RIMS2: variants seen among roughly 807,000 people sequenced by gnomAD.
RIMS2 encodes the protein regulating synaptic membrane exocytosis protein 2.
Under a neutral mutation model 174.4 loss-of-function variants are expected in RIMS2, and 59 were observed. That is an observed-to-expected ratio of 0.34 (90% confidence interval 0.27 to 0.42). RIMS2 has a LOEUF of 0.42. Among genes scored for constraint, RIMS2 ranks in the 10% least tolerant of loss-of-function variants. The pLI is 1.00. For synonymous variants in RIMS2, 606 were observed against 572.5 expected (o/e 1.06, Z -0.84); for missense variants, 1,620 against 1,666.3 (o/e 0.97, Z 0.48).
At chr8:103,753,363 C>T (rs2097920447) in intron 2 of RIMS2, among the ~76,000 whole-genome samples, 3 of 152,124 alleles carry the variant, frequency 2.0e-5, no homozygotes, top group South Asian at 4.1e-4. Flanking sequence ...ATTTTTGCAT[C>T]GATGTTCATC....
chr8:104,106,015 G>C (rs2098046291), intron 19 of RIMS2, among the ~76,000 whole-genome samples: 1 of 117,246 alleles, frequency 8.5e-6, no homozygotes, highest in Non-Finnish European at 1.6e-5. Flanking sequence ...CTCCAGCCTG[G>C]GTGACAGAGA....
chr8:103,531,177 C>T (rs1836900739), intron 1 of RIMS2, among the ~76,000 whole-genome samples: 1 of 151,938 alleles, frequency 6.6e-6, no homozygotes, highest in African/African-American at 2.4e-5. Context: ...TGCAGAATAT[C>T]TTTAATGTGC....
intron 3 of RIMS2, among the ~76,000 whole-genome samples, chr8:103,794,030 G>T (rs2098527577): frequency 6.6e-6 from 1 of 152,020 alleles, no homozygotes; most frequent in South Asian, 2.1e-4. Flanking sequence ...TAGATTCAAT[G>T]CCATCCCCTT....
At chr8:103,909,423 T>C (rs1020824874) in intron 4 of RIMS2, among the ~76,000 whole-genome samples, 9 of 152,132 alleles carry the variant, frequency 5.9e-5, no homozygotes, top group African/African-American at 2.2e-4. Flanking sequence ...CAAAATTTTT[T>C]GTAATTTACT....
chr8:103,882,821 T>C (rs2099174619), intron 3 of RIMS2, among the ~76,000 whole-genome samples: 1 of 151,690 alleles, frequency 6.6e-6, no homozygotes, highest in East Asian at 1.9e-4. Flanking sequence ...TATTTATCTG[T>C]AAGATAAAAT....
chr8:103,950,799 C>A (rs551102435), intron 14 of RIMS2, among the ~76,000 whole-genome samples: 42 of 152,094 alleles, frequency 2.8e-4, no homozygotes, highest in Non-Finnish European at 5.1e-4. Context: ...CAAGAAAAAT[C>A]AAATGCATCC....
chr8:103,696,862 C>CAAAAAAAAAAAA (rs55852238), intron 1 of RIMS2, among the ~76,000 whole-genome samples: 70 of 53,660 alleles, frequency 1.3e-3, no homozygotes, highest in Non-Finnish European at 1.9e-3. Context: ...GACTTCGTCT[C>CAAAAAAAAAAAA]AAAAAAAAAA....
chr8:104,225,461 T>C (rs2099181513), intron 19 of RIMS2, among the ~76,000 whole-genome samples: 1 of 152,234 alleles, frequency 6.6e-6, no homozygotes, highest in South Asian at 2.1e-4. Context: ...TAGGTTATTA[T>C]GGACTCATTT....
chr8:103,852,903 T>G (rs2099007244), intron 3 of RIMS2, among the ~76,000 whole-genome samples: 1 of 152,056 alleles, frequency 6.6e-6, no homozygotes, highest in African/African-American at 2.4e-5. Context: ...TGATCTATTT[T>G]CCTTTGGTTA....
intron 3 of RIMS2, among the ~76,000 whole-genome samples, chr8:103,783,924 C>A (rs1258862181): frequency 6.6e-6 from 1 of 152,050 alleles, no homozygotes; most frequent in African/African-American, 2.4e-5. Context: ...TCCTCTCCAG[C>A]ACCTGTTGTT....
chr8:103,804,421 C>T (rs1388967674), intron 3 of RIMS2, among the ~76,000 whole-genome samples: 1 of 152,224 alleles, frequency 6.6e-6, no homozygotes, highest in Non-Finnish European at 1.5e-5. Context: ...GTAGTCTCCT[C>T]CTCTACCACC....
chr8:103,579,969 C>G (rs1167477266), intron 1 of RIMS2, among the ~76,000 whole-genome samples: 2 of 152,126 alleles, frequency 1.3e-5, no homozygotes, highest in African/African-American at 4.8e-5. Flanking sequence ...AACTCACTCA[C>G]TATCATGAGA....
chr8:104,049,370 A>G (rs527699733), intron 19 of RIMS2, among the ~76,000 whole-genome samples: 18 of 152,244 alleles, frequency 1.2e-4, no homozygotes, highest in African/African-American at 4.3e-4. Context: ...GCTTGCAGTG[A>G]GCCGAGATCG....
intron 3 of RIMS2, among the ~76,000 whole-genome samples, chr8:103,815,994 C>T (rs2098715807): frequency 6.6e-6 from 1 of 152,110 alleles, no homozygotes; most frequent in Non-Finnish European, 1.5e-5. Flanking sequence ...TACTTAAAAC[C>T]AGGCTGCCCG....
chr8:103,963,146 T>G (rs1029460599), intron 15 of RIMS2, among the ~76,000 whole-genome samples: 3 of 152,126 alleles, frequency 2.0e-5, no homozygotes, highest in African/African-American at 7.2e-5. Context: ...GAGAATAAAT[T>G]TTTTAATCAA....
chr8:104,057,347 T>C (rs191079937), intron 19 of RIMS2, among the ~76,000 whole-genome samples: 152 of 152,172 alleles, frequency 1.0e-3, no homozygotes, highest in African/African-American at 3.5e-3. Flanking sequence ...TGATTACAGG[T>C]GTGAGCCATC....
chr8:103,610,471 C>A (rs891681631), intron 1 of RIMS2, among the ~76,000 whole-genome samples: 2 of 152,152 alleles, frequency 1.3e-5, no homozygotes, highest in African/African-American at 4.8e-5. Flanking sequence ...GTGGTTTTGT[C>A]ATAGATGGTT....
intron 1 of RIMS2, among the ~76,000 whole-genome samples, chr8:103,661,287 G>C (rs917656122): frequency 6.6e-6 from 1 of 152,032 alleles, no homozygotes; most frequent in Admixed American, 6.6e-5. Context: ...ATTGATGTGC[G>C]TTTGAGTTTG....
intron 19 of RIMS2, among the ~76,000 whole-genome samples, chr8:104,077,097 G>A (rs2154562509): frequency 1.3e-5 from 2 of 152,290 alleles, no homozygotes; most frequent in Middle Eastern, 3.4e-3. Flanking sequence ...TAGGATTACA[G>A]GCATGAGCCA....
Sources: gnomAD v4.1 joint callset for allele counts (sites outside exome capture counted in the v4.1 genomes callset) on GRCh38, gnomAD v4.1.1 for gene constraint, MANE v1.5 for transcripts, NCBI Gene and HGNC (gene_info 2026-07-23, HGNC 2026-07-21) for gene names.